The following DOCK4 variants were observed in gnomAD, a reference collection of about 807,000 sequenced individuals.
The protein encoded by DOCK4 is dedicator of cytokinesis protein 4.
Under a neutral mutation model 268.1 loss-of-function variants are expected in DOCK4, and 97 were observed. The ratio of observed to expected loss-of-function variants is 0.36; its 90% CI spans 0.31 to 0.43. DOCK4 has a LOEUF of 0.43. Ranked by LOEUF, DOCK4 falls within the 20% of genes least tolerant of loss-of-function variation. The pLI is 1.00. For missense variants in DOCK4, 2,145 were observed against 2,455.7 expected, an observed-to-expected ratio of 0.87 and a Z score of 2.67; for synonymous variants, 954 against 887.2, an observed-to-expected ratio of 1.08 and a Z score of -1.34.
chr7:111,750,084 A>G (rs1236450568), intron 42 of DOCK4, among the ~76,000 whole-genome samples: 1 of 152,232 alleles, frequency 6.6e-6, no homozygotes, highest in Non-Finnish European at 1.5e-5. Flanking sequence ...ACTAAAATGA[A>G]TAAGGAGTCA....
At chr7:111,971,607 C>A in intron 8 of DOCK4, 2 of 208,864 alleles carry the variant, frequency 9.6e-6, no homozygotes, top group South Asian at 1.5e-4. Flanking sequence ...TAATCCTGCT[C>A]AAAGAACAGG....
At chr7:111,778,504 T>C (rs1015432494) in intron 35 of DOCK4, 135 bp from the exon 36 acceptor site, 29 of 491,354 alleles carry the variant, frequency 5.9e-5, no homozygotes, top group Non-Finnish European at 8.8e-5. Flanking sequence ...TCTCTAAAAA[T>C]GAAATAAGGT....
At chr7:111,854,147 C>A (rs1175033928) in intron 23 of DOCK4, among the ~76,000 whole-genome samples, 3 of 152,004 alleles carry the variant, frequency 2.0e-5, no homozygotes, top group Non-Finnish European at 4.4e-5. Flanking sequence ...TTGTCTTATG[C>A]CCAATTTCTG....
At position 111,851,170 on chromosome 7, in the gene DOCK4, T is replaced by C. The variant is rs139888728; in HGVS notation, c.2474-4044A>G. ...GTATAAAAGTTCTGAAAAAGCCGGG[T>C]GCGGTGGCTCACACCTGTAATCCCA... On this transcript the variant is annotated intron_variant, in intron 23 of 52. Coordinates refer to ENST00000428084, the MANE Select transcript of DOCK4 (RefSeq NM_001363540.2). Among the ~76,000 whole-genome samples the C allele has an allele frequency of 9.8e-3, 1,483 of 152,000 alleles. 22 individuals carry two copies. The highest frequency in any genetic ancestry group is 0.031 in the African/African-American group (1,300 of 41,468).
chr7:112,000,447 C>A, intron 3 of DOCK4, 47 bp downstream of exon 3: 2 of 1,128,034 alleles, frequency 1.8e-6, no homozygotes, highest in Non-Finnish European at 2.5e-6. Context: ...AAATAACTAT[C>A]TTTCTTAATA....
chr7:111,811,504 A>T (rs1801129517), intron 28 of DOCK4, among the ~76,000 whole-genome samples: 1 of 152,122 alleles, frequency 6.6e-6, no homozygotes, highest in African/African-American at 2.4e-5. Context: ...AATTCATTCT[A>T]AAAAATGGGA....
At chr7:112,127,652 CAAAAAAATA>C (rs1813364435) in intron 1 of DOCK4, among the ~76,000 whole-genome samples, 1 of 151,588 alleles carries the variant, frequency 6.6e-6, no homozygotes, top group Non-Finnish European at 1.5e-5. Context: ...ATTTTTATAG[CAAAAAAATA>C]AAAATAAAAA....
chr7:111,788,795 G>A (rs781433877), intron 31 of DOCK4, 48 bp from the exon 32 acceptor site: 1 of 1,460,180 alleles, frequency 6.8e-7, no homozygotes, highest in African/African-American at 1.4e-5. Context: ...TCACAAGTAG[G>A]ATTTCTAGGC....
At chr7:111,777,340 T>C (rs1209679740) in intron 36 of DOCK4, among the ~76,000 whole-genome samples, 1 of 152,102 alleles carries the variant, frequency 6.6e-6, no homozygotes, top group Non-Finnish European at 1.5e-5. Context: ...TTAAAAGAAA[T>C]ACTAAAACAA....
chr7:111,976,269 T>TTATATATATA (rs60146972), intron 8 of DOCK4, among the ~76,000 whole-genome samples: 20 of 33,142 alleles, frequency 6.0e-4, no homozygotes, highest in African/African-American at 1.1e-3. Flanking sequence ...TGTGTGTCTA[T>TTATATATATA]TATATATATA....
chr7:111,729,147 A>G (rs553365221), intron 52 of DOCK4, among the ~76,000 whole-genome samples: 1 of 152,280 alleles, frequency 6.6e-6, no homozygotes, highest in South Asian at 2.1e-4. Context: ...ATACACTCAC[A>G]CTCAAATTTG....
chr7:112,033,439 C>G (rs924823521), intron 1 of DOCK4, among the ~76,000 whole-genome samples: 1 of 152,226 alleles, frequency 6.6e-6, no homozygotes, highest in African/African-American at 2.4e-5. Context: ...TTTATTCTAA[C>G]AGCACATGCT....
At chr7:112,060,956 G>A (rs1363016835) in intron 1 of DOCK4, among the ~76,000 whole-genome samples, 1 of 152,182 alleles carries the variant, frequency 6.6e-6, no homozygotes, top group Non-Finnish European at 1.5e-5. Flanking sequence ...AAGAGGTTCA[G>A]ATGGTAAATT....
chr7:111,742,762 G>A (rs1376186472), intron 44 of DOCK4, among the ~76,000 whole-genome samples: 2 of 152,216 alleles, frequency 1.3e-5, no homozygotes, highest in East Asian at 3.9e-4. Context: ...GGGAGGCCAA[G>A]GCGGGTTGAT....
chr7:111,988,864 C>T (rs1030440321), intron 6 of DOCK4, 151 bp downstream of exon 6: 62 of 1,143,266 alleles, frequency 5.4e-5, no homozygotes, highest in Non-Finnish European at 6.5e-5. Flanking sequence ...TCGGCTCTAT[C>T]AATGCCAGTT....
intron 12 of DOCK4, among the ~76,000 whole-genome samples, chr7:111,926,305 C>T (rs1562895056): frequency 2.1e-5 from 3 of 145,146 alleles, no homozygotes; most frequent in Admixed American, 2.1e-4. Flanking sequence ...TGGCGCGCCG[C>T]CTGTAGTTCC....
At chr7:111,770,940 T>C (rs1350659266) in intron 36 of DOCK4, among the ~76,000 whole-genome samples, 1 of 152,254 alleles carries the variant, frequency 6.6e-6, no homozygotes, top group Non-Finnish European at 1.5e-5. Context: ...TCACAGGCAC[T>C]GGTCTTTTTT....
intron 5 of DOCK4, among the ~76,000 whole-genome samples, chr7:111,991,961 C>CAAAAAAAAAAAAAAAAA (rs60667093): frequency 3.9e-5 from 2 of 50,916 alleles, no homozygotes; most frequent in East Asian, 7.3e-4. Flanking sequence ...ACTCTGTCTC[C>CAAAAAAAAAAAAAAAAA]AAAAAAAAAA....
intron 10 of DOCK4, among the ~76,000 whole-genome samples, chr7:111,940,613 T>C (rs2134765941): frequency 6.6e-6 from 1 of 152,302 alleles, no homozygotes; most frequent in Middle Eastern, 3.4e-3. Flanking sequence ...ACAAATTCCA[T>C]ATTCAAAAAA....
Sources: gnomAD v4.1 joint callset for allele counts (sites outside exome capture counted in the v4.1 genomes callset) on GRCh38, gnomAD v4.1.1 for gene constraint, MANE v1.5 for transcripts, NCBI Gene and HGNC (gene_info 2026-07-23, HGNC 2026-07-21) for gene names.